CACNA2D2: variants seen among roughly 807,000 people sequenced by gnomAD.
CACNA2D2 encodes voltage-dependent calcium channel subunit alpha-2/delta-2.
CACNA2D2 carries 48 observed loss-of-function variants against 166.4 expected under a neutral mutation model. That is an observed-to-expected ratio of 0.29 (90% CI 0.23 to 0.37). The LOEUF (loss-of-function observed/expected upper bound fraction) is 0.37, where lower values mean the gene tolerates loss of function less well. Among genes scored for constraint, CACNA2D2 ranks in the 10% least tolerant of loss-of-function variants. The pLI is 1.00. For missense variants in CACNA2D2, 1,122 were observed against 1,433.0 expected (o/e 0.78, Z 3.50); for synonymous variants, 561 against 573.7 (o/e 0.98, Z 0.32).
chr3:50,384,832 C>T (rs1705509860), intron 5 of CACNA2D2, among the ~76,000 whole-genome samples: 1 of 152,226 alleles, frequency 6.6e-6, no homozygotes, highest in Admixed American at 6.5e-5. Flanking sequence ...AGGGAGAGGG[C>T]CCTAGCCCCA....
At chr3:50,369,579 GC>G (rs1005423122) in intron 23 of CACNA2D2, among the ~76,000 whole-genome samples, 38 of 152,344 alleles carry the variant, frequency 2.5e-4, no homozygotes, top group African/African-American at 8.2e-4. Context: ...GCCTTCCAGT[GC>G]CCCTGGGTCT....
At chr3:50,413,053 G>A (rs1707096344) in intron 3 of CACNA2D2, among the ~76,000 whole-genome samples, 1 of 152,258 alleles carries the variant, frequency 6.6e-6, no homozygotes, top group South Asian at 2.1e-4. Flanking sequence ...GTCTCAGGCT[G>A]CATGAGGAGT....
intron 2 of CACNA2D2, among the ~76,000 whole-genome samples, chr3:50,471,216 C>T (rs1030374254): frequency 1.3e-5 from 2 of 151,796 alleles, no homozygotes; most frequent in Non-Finnish European, 2.9e-5. Context: ...TTCAAGGCTG[C>T]GGGAGCCCTG....
Position 50,427,190 on chromosome 3 carries a change from A to G in CACNA2D2, c.405+7123T>C, listed in dbSNP as rs1385628816. ...TCCTTGGTGGTCGCTCTGCCACCGCATGCTCCCTGGTTTCTCCTAGCGTTC... is the reference window on the plus strand; with the variant it reads ...TCCTTGGTGGTCGCTCTGCCACCGCGTGCTCCCTGGTTTCTCCTAGCGTTC... On this transcript the variant is annotated intron_variant, in intron 3 of 37. Transcript: ENST00000424201. This position sits in a 1 kb window ranked among gnomAD's most constrained non-coding sequence, Gnocchi z 4.7. Among the ~76,000 whole-genome samples, 1 of 152,144 alleles carries G rather than the reference A, an allele frequency of 6.6e-6. No homozygotes were observed. Among genetic ancestry groups the G allele is most frequent in the East Asian group, 1.9e-4 (1 of 5,190 alleles).
chr3:50,399,924 C>T (rs1274846454), intron 3 of CACNA2D2, among the ~76,000 whole-genome samples: 1 of 152,172 alleles, frequency 6.6e-6, no homozygotes, highest in African/African-American at 2.4e-5. Flanking sequence ...CCCCCACAAG[C>T]CTTGGTATCA....
chr3:50,455,783 T>C (rs1709334322), intron 2 of CACNA2D2, among the ~76,000 whole-genome samples: 1 of 152,188 alleles, frequency 6.6e-6, no homozygotes, highest in South Asian at 2.1e-4. Flanking sequence ...ATCTCAGCGA[T>C]GGAAAGGCTT....
At chr3:50,443,075 G>T (rs1708678175) in intron 2 of CACNA2D2, among the ~76,000 whole-genome samples, 1 of 152,190 alleles carries the variant, frequency 6.6e-6, no homozygotes. Context: ...CCTGAGTTGG[G>T]AGCCGCCGGC....
chr3:50,456,967 G>A (rs1057384816), intron 2 of CACNA2D2, among the ~76,000 whole-genome samples: 3 of 152,178 alleles, frequency 2.0e-5, no homozygotes, highest in Non-Finnish European at 4.4e-5. Context: ...TGATAAACTG[G>A]AGCCAGGTGT....
chr3:50,429,464 G>A (rs1707960835), intron 3 of CACNA2D2, among the ~76,000 whole-genome samples: 1 of 151,464 alleles, frequency 6.6e-6, no homozygotes, highest in Non-Finnish European at 1.5e-5. Context: ...GAAAAATCCT[G>A]AACTCTGGCC....
chr3:50,464,862 T>C (rs2107028325), intron 2 of CACNA2D2, among the ~76,000 whole-genome samples: 1 of 152,330 alleles, frequency 6.6e-6, no homozygotes, highest in East Asian at 1.9e-4. Context: ...CCTCCTCCTC[T>C]AGCGAACTGG....
intron 23 of CACNA2D2, among the ~76,000 whole-genome samples, chr3:50,369,423 C>T (rs1704530660): frequency 6.6e-6 from 1 of 152,214 alleles, no homozygotes. Flanking sequence ...ACACACAGAG[C>T]CACCCCCACA....
Position 50,375,121 on chromosome 3 carries a change from A to G in CACNA2D2, c.1908-308T>C, listed in dbSNP as rs1704903455. 6.6e-6 allele frequency among the ~76,000 whole-genome samples: 1 copy of G among 152,080 alleles called. No individual in the cohort carries two copies. The highest frequency in any genetic ancestry group is 6.5e-5 in the Admixed American group (1 of 15,280). On this transcript the variant is annotated intron_variant, in intron 21 of 37. Transcript: ENST00000424201. The surrounding 1 kb of genome is among the most constrained non-coding windows in gnomAD (Gnocchi z 4.0). ...CCCAGCCAACCTCCCTCTGACCCAC[A>G]AGGGGCAGACGCTGCCGTGAGCTGG...
At chr3:50,415,510 T>C (rs1559926636) in intron 3 of CACNA2D2, among the ~76,000 whole-genome samples, 1 of 152,042 alleles carries the variant, frequency 6.6e-6, no homozygotes. Flanking sequence ...GGCTGACAAA[T>C]GAAAAAAAAG....
At chr3:50,476,765 TG>T (rs1162409350) in intron 1 of CACNA2D2, among the ~76,000 whole-genome samples, 1 of 152,058 alleles carries the variant, frequency 6.6e-6, no homozygotes, top group African/African-American at 2.4e-5. Context: ...TCCAACACCC[TG>T]GTAGACAGAC....
chr3:50,422,291 C>T (rs576207367), intron 3 of CACNA2D2, among the ~76,000 whole-genome samples: 2 of 152,194 alleles, frequency 1.3e-5, no homozygotes, highest in African/African-American at 4.8e-5. Flanking sequence ...GCTCCCCACA[C>T]AGTGGAAGCT....
chr3:50,389,230 C>T (rs1705766041), intron 4 of CACNA2D2, among the ~76,000 whole-genome samples: 1 of 152,210 alleles, frequency 6.6e-6, no homozygotes, highest in African/African-American at 2.4e-5. Context: ...GACCGAAGCG[C>T]ATAATGAAAG....
At chr3:50,456,797 T>C (rs374746441) in intron 2 of CACNA2D2, among the ~76,000 whole-genome samples, 1 of 152,160 alleles carries the variant, frequency 6.6e-6, no homozygotes, top group Non-Finnish European at 1.5e-5. Context: ...GGGAAGGTCA[T>C]GCATATGAGG....
chr3:50,410,104 C>G (rs950944081), intron 3 of CACNA2D2, among the ~76,000 whole-genome samples: 2 of 152,232 alleles, frequency 1.3e-5, no homozygotes, highest in African/African-American at 4.8e-5. Context: ...AGGCTCAGGT[C>G]AAGCCCACAT....
rs1400990742 is a variant in CACNA2D2 at position 50,468,379 on chromosome 3, TAGTGTGTGTGTGTGTGTGTGTG to T, written c.288+7717_288+7738del. Among the ~76,000 whole-genome samples, 78 of 68,920 alleles carry T rather than the reference TAGTGTGTGTGTGTGTGTGTGTG, an allele frequency of 1.1e-3. 1 individual carries two copies. The highest frequency in any genetic ancestry group is 3.7e-3 in the African/African-American group (77 of 20,594). 45.2% of individuals were successfully genotyped at this position (68,920 alleles called of 152,430 possible). ...AAGAGAACCAGCAAGTTCATCAGAA[TAGTGTGTGTGTGTGTGTGTGTG>T]TGTGTGTGTGTGTGTGTGTGTGTGT... On this transcript the variant is annotated intron_variant, in intron 2 of 37. Transcript: ENST00000424201.
Sources: gnomAD v4.1 joint callset for allele counts (sites outside exome capture counted in the v4.1 genomes callset) on GRCh38, gnomAD v4.1.1 for gene constraint, Gnocchi (gnomAD v3.1) non-coding constraint, MANE v1.5 for transcripts, NCBI Gene and HGNC (gene_info 2026-07-23, HGNC 2026-07-21) for gene names.